Variants in NKAIN2 observed in about 807,000 individuals in gnomAD.
NKAIN2 encodes sodium/potassium transporting ATPase interacting 2.
NKAIN2 carries 14 observed loss-of-function variants against 32.6 expected under a neutral mutation model. That is an observed-to-expected ratio of 0.43 (90% CI 0.28 to 0.67). NKAIN2 has a LOEUF of 0.67. Ranked by LOEUF, NKAIN2 falls within the 30% of genes least tolerant of loss-of-function variation. The pLI is 0.17. For missense variants in NKAIN2, 198 were observed against 258.3 expected, an observed-to-expected ratio of 0.77 and a Z score of 1.60; for synonymous variants, 80 against 87.2, an observed-to-expected ratio of 0.92 and a Z score of 0.46.
chr6:124,281,029 ACAT>A (rs1381218586), intron 1 of NKAIN2, among the ~76,000 whole-genome samples: 2 of 152,190 alleles, frequency 1.3e-5, no homozygotes, highest in East Asian at 3.9e-4. Context: ...CTTAGTTATT[ACAT>A]TATCATCTCT....
chr6:124,548,338 G>T (rs1456961140), intron 3 of NKAIN2, among the ~76,000 whole-genome samples: 1 of 152,172 alleles, frequency 6.6e-6, no homozygotes. Flanking sequence ...GTAACAGGAA[G>T]AAATAACATA....
intron 1 of NKAIN2, among the ~76,000 whole-genome samples, chr6:124,199,524 G>A (rs938700273): frequency 2.0e-5 from 3 of 152,172 alleles, no homozygotes; most frequent in African/African-American, 7.2e-5. Flanking sequence ...TGCCAGGGAA[G>A]CATGAAGATA....
intron 5 of NKAIN2, among the ~76,000 whole-genome samples, chr6:124,792,244 G>T (rs956521375): frequency 1.3e-5 from 2 of 152,088 alleles, no homozygotes; most frequent in Non-Finnish European, 2.9e-5. Context: ...AAACAGTAAG[G>T]AAAGAGGAAG....
rs1583212876 is a variant in NKAIN2 at position 124,412,878 on chromosome 6, C to T, written c.273+57531C>T. Among the ~76,000 whole-genome samples the T allele has an allele frequency of 2.0e-5, 3 of 152,264 alleles. No individual in the cohort carries two copies. In the South Asian group the frequency reaches 6.2e-4, roughly 32 times the overall value. On this transcript the variant is annotated intron_variant, in intron 3 of 6. Coordinates refer to ENST00000368417, the MANE Select transcript of NKAIN2 (RefSeq NM_001040214.3). Reference sequence around the variant, plus strand: ...CTACTCAAGCCTGGGCAATGGCGGGCGCCCCTCCCCGAGCCTCCCTGTCAC... The same window carrying T: ...CTACTCAAGCCTGGGCAATGGCGGGTGCCCCTCCCCGAGCCTCCCTGTCAC...
At chr6:124,144,843 A>G (rs1787319376) in intron 1 of NKAIN2, among the ~76,000 whole-genome samples, 1 of 152,186 alleles carries the variant, frequency 6.6e-6, no homozygotes, top group Non-Finnish European at 1.5e-5. Flanking sequence ...AAGACAAGCT[A>G]TGGACTAGGA....
At chr6:124,460,199 C>T (rs1214757963) in intron 3 of NKAIN2, among the ~76,000 whole-genome samples, 1 of 151,634 alleles carries the variant, frequency 6.6e-6, no homozygotes, top group Non-Finnish European at 1.5e-5. Context: ...GTCTTTGCCT[C>T]TCAGCTTTCA....
At chr6:123,931,581 T>C (rs1776254926) in intron 1 of NKAIN2, among the ~76,000 whole-genome samples, 1 of 152,088 alleles carries the variant, frequency 6.6e-6, no homozygotes, top group African/African-American at 2.4e-5. Context: ...AGCAGATGAG[T>C]AATATTGGAT....
chr6:124,159,380 T>A (rs9491074), intron 1 of NKAIN2, among the ~76,000 whole-genome samples: 1,697 of 152,322 alleles, frequency 0.011, 30 homozygotes, highest in African/African-American at 0.039. Context: ...CTGAAACAAC[T>A]AGTATTTGTA....
At chr6:124,561,840 A>T (rs1362430554) in intron 3 of NKAIN2, among the ~76,000 whole-genome samples, 1 of 152,246 alleles carries the variant, frequency 6.6e-6, no homozygotes, top group African/African-American at 2.4e-5. Context: ...GGGAAGATCC[A>T]TCTGCAGCTG....
intron 1 of NKAIN2, among the ~76,000 whole-genome samples, chr6:124,023,100 A>G (rs1290770425): frequency 6.6e-6 from 1 of 151,540 alleles, no homozygotes; most frequent in Non-Finnish European, 1.5e-5. Context: ...ATGTATATAA[A>G]AAGTATATAT....
At chr6:124,813,900 C>A (rs1781025159) in intron 5 of NKAIN2, among the ~76,000 whole-genome samples, 1 of 152,166 alleles carries the variant, frequency 6.6e-6, no homozygotes, top group South Asian at 2.1e-4. Flanking sequence ...GGACAAAGAT[C>A]TGTCAAATGT....
At chr6:124,641,695 G>T (rs1784000556) in intron 3 of NKAIN2, among the ~76,000 whole-genome samples, 1 of 151,450 alleles carries the variant, frequency 6.6e-6, no homozygotes, top group Admixed American at 6.6e-5. Flanking sequence ...GGGACTACAG[G>T]TGTGCACCAC....
At chr6:123,916,187 G>A (rs56777778) in intron 1 of NKAIN2, among the ~76,000 whole-genome samples, 3,475 of 152,220 alleles carry the variant, frequency 0.023, 111 homozygotes, top group African/African-American at 0.077. Flanking sequence ...AGGGTATCAT[G>A]AAAGAATTTT....
intron 1 of NKAIN2, among the ~76,000 whole-genome samples, chr6:124,206,675 G>A (rs187339675): frequency 1.3e-4 from 20 of 151,790 alleles, no homozygotes; most frequent in South Asian, 1.0e-3. Context: ...ATTGCTGCCC[G>A]TGTTCACAAT....
At chr6:124,543,594 A>G (rs929796323) in intron 3 of NKAIN2, among the ~76,000 whole-genome samples, 16 of 152,218 alleles carry the variant, frequency 1.1e-4, no homozygotes, top group African/African-American at 3.9e-4. Flanking sequence ...CTGACACACC[A>G]CAACACAAAA....
chr6:124,114,750 G>A (rs917876574), intron 1 of NKAIN2, among the ~76,000 whole-genome samples: 14 of 152,140 alleles, frequency 9.2e-5, no homozygotes, highest in African/African-American at 3.4e-4. Context: ...TTTCAATAGA[G>A]AAGTAGTGAT....
At chr6:124,220,498 A>C (rs1791757643) in intron 1 of NKAIN2, among the ~76,000 whole-genome samples, 1 of 150,226 alleles carries the variant, frequency 6.7e-6, no homozygotes, top group Non-Finnish European at 1.5e-5. Context: ...ATAAAGTTGT[A>C]CTAAGATAAA....
chr6:124,640,231 GGCA>G (rs1783933732), intron 3 of NKAIN2, among the ~76,000 whole-genome samples: 1 of 152,132 alleles, frequency 6.6e-6, no homozygotes, highest in Non-Finnish European at 1.5e-5. Flanking sequence ...AATAGTGACT[GGCA>G]GTAATGGTGG....
chr6:124,145,841 A>C (rs562788447), intron 1 of NKAIN2, among the ~76,000 whole-genome samples: 4 of 152,134 alleles, frequency 2.6e-5, no homozygotes, highest in Non-Finnish European at 5.9e-5. Flanking sequence ...CATTACTGGA[A>C]CTAGTAGTTA....
Sources: allele counts gnomAD v4.1 joint callset (sites outside exome capture counted in the v4.1 genomes callset), GRCh38; gene constraint gnomAD v4.1.1; transcripts MANE v1.5; gene names NCBI Gene and HGNC (gene_info 2026-07-23, HGNC 2026-07-21).